Variants in KLRG1 observed in about 807,000 individuals in gnomAD.
The protein encoded by KLRG1 is killer cell lectin-like receptor subfamily G member 1.
In KLRG1, 16 loss-of-function variants were observed where a neutral mutation model predicts 21.8. The observed-to-expected ratio is 0.73, with a 90% CI of 0.50 to 1.11. KLRG1 has a LOEUF of 1.11. Among genes scored for constraint, KLRG1 ranks in the 50% most tolerant of loss-of-function variants. The pLI, the probability that KLRG1 is intolerant of heterozygous loss-of-function variation, is 0.00. For synonymous variants in KLRG1, 69 were observed against 75.9 expected (o/e 0.91, Z 0.47); for missense variants, 173 against 218.3 (o/e 0.79, Z 1.31).
chr12:9,089,923 G>A, the KLRG1 span: 1 of 1,611,726 alleles, frequency 6.2e-7, no homozygotes, highest in South Asian at 1.1e-5. Flanking sequence ...GAGGCTTGAT[G>A]ACTGTGTCTT....
the KLRG1 span, chr12:9,196,497 C>T: frequency 2.5e-6 from 4 of 1,573,886 alleles, no homozygotes; most frequent in Non-Finnish European, 3.5e-6. Flanking sequence ...AAATTTCTTT[C>T]TTACAAATGA....
the KLRG1 span, among the ~76,000 whole-genome samples, chr12:9,098,172 G>A: frequency 6.6e-6 from 1 of 151,924 alleles, no homozygotes; most frequent in East Asian, 1.9e-4. Flanking sequence ...CTTTTATTTT[G>A]CATAACTGCA....
chr12:9,161,158 A>G, the KLRG1 span: 1 of 1,439,900 alleles, frequency 6.9e-7, no homozygotes, highest in Admixed American at 2.0e-5. Flanking sequence ...GACATCTATG[A>G]TTACAATATA....
chr12:8,994,642 C>G (rs1199864003), intron 2 of KLRG1, among the ~76,000 whole-genome samples: 1 of 152,148 alleles, frequency 6.6e-6, no homozygotes, highest in East Asian at 1.9e-4. Context: ...TTCCTAATTT[C>G]TTTTTGGCAT....
At chr12:9,151,686 G>C in the KLRG1 span, 3 of 1,609,440 alleles carry the variant, frequency 1.9e-6, no homozygotes, top group Non-Finnish European at 2.6e-6. Context: ...GAGAGAATTA[G>C]AAAACTTCAG....
chr12:8,989,132 G>A (rs1481438114), upstream of KLRG1, among the ~76,000 whole-genome samples: 2 of 152,142 alleles, frequency 1.3e-5, no homozygotes, highest in Non-Finnish European at 2.9e-5. Flanking sequence ...CTGGGTAATA[G>A]TCTATTTCTC....
chr12:9,085,668 TAAATC>T, the KLRG1 span, among the ~76,000 whole-genome samples: 6 of 151,260 alleles, frequency 4.0e-5, no homozygotes, highest in Admixed American at 6.6e-5. Context: ...AGAGCAGAAA[TAAATC>T]AAATAGAGAC....
chr12:9,163,901 A>T, the KLRG1 span: 1 of 1,383,358 alleles, frequency 7.2e-7, no homozygotes, highest in African/African-American at 1.5e-5. Context: ...GCTAAAAAAA[A>T]AGAAACCCAC....
chr12:8,992,994 A>T (rs1009610598), intron 2 of KLRG1, among the ~76,000 whole-genome samples: 1 of 151,496 alleles, frequency 6.6e-6, no homozygotes, highest in Admixed American at 6.6e-5. Context: ...CCTTACTGCC[A>T]TATTTATTGG....
chr12:9,198,258 A>G, the KLRG1 span, among the ~76,000 whole-genome samples: 1,575 of 152,030 alleles, frequency 0.01, 25 homozygotes, highest in African/African-American at 0.036. Context: ...AGGTTTAGGC[A>G]GGAGATTCAC....
At chr12:9,153,144 TC>T in the KLRG1 span, 1 of 1,614,122 alleles carries the variant, frequency 6.2e-7, no homozygotes, top group Admixed American at 1.7e-5. Context: ...CACACATCTT[TC>T]CCCAGTTACT....
At chr12:9,022,817 A>T in the KLRG1 span, among the ~76,000 whole-genome samples, 5 of 152,176 alleles carry the variant, frequency 3.3e-5, no homozygotes, top group Admixed American at 2.6e-4. Flanking sequence ...GATGTAATCA[A>T]TTATGCCTAT....
chr12:9,183,770 A>T, the KLRG1 span, among the ~76,000 whole-genome samples: 2 of 152,204 alleles, frequency 1.3e-5, no homozygotes, highest in Non-Finnish European at 2.9e-5. Flanking sequence ...TCTACGTAGA[A>T]TGTGGAATTT....
chr12:9,072,784 A>T, the KLRG1 span: 1 of 1,614,148 alleles, frequency 6.2e-7, no homozygotes, highest in Non-Finnish European at 8.5e-7. Context: ...GTCCCTGAAG[A>T]CTGGATAGTC....
chr12:9,050,190 C>T, the KLRG1 span, among the ~76,000 whole-genome samples: 2 of 152,284 alleles, frequency 1.3e-5, no homozygotes, highest in African/African-American at 4.8e-5. Context: ...TCTCCCTAAG[C>T]GGTAAGAAAT....
the KLRG1 span, among the ~76,000 whole-genome samples, chr12:9,033,784 T>C: frequency 4.6e-5 from 7 of 152,282 alleles, no homozygotes; most frequent in South Asian, 8.3e-4. Flanking sequence ...GCTTCACTAT[T>C]TGGTGAGTGG....
chr12:9,143,948 G>A, the KLRG1 span, among the ~76,000 whole-genome samples: 1 of 152,222 alleles, frequency 6.6e-6, no homozygotes, highest in East Asian at 1.9e-4. Context: ...TCTTTCTAAA[G>A]AGAACAATTA....
chr12:9,149,030 A>C, the KLRG1 span: 1 of 1,594,520 alleles, frequency 6.3e-7, no homozygotes, highest in Admixed American at 1.7e-5. Context: ...AGGTTGTATC[A>C]TTTCCTGAGG....
chr12:9,153,747 T>C, the KLRG1 span, among the ~76,000 whole-genome samples: 1 of 152,184 alleles, frequency 6.6e-6, no homozygotes, highest in Non-Finnish European at 1.5e-5. Context: ...CTTGAGTTTC[T>C]TTTTACCTTC....
Sources: allele counts gnomAD v4.1 joint callset (sites outside exome capture counted in the v4.1 genomes callset), GRCh38; gene constraint gnomAD v4.1.1; transcripts MANE v1.5; gene names NCBI Gene and HGNC (gene_info 2026-07-23, HGNC 2026-07-21).